Variants in THRAP3 observed in about 807,000 individuals in gnomAD.
The protein encoded by THRAP3 is thyroid hormone receptor-associated protein 3.
THRAP3 carries 16 observed loss-of-function variants against 101.0 expected under a neutral mutation model. The ratio of observed to expected loss-of-function variants is 0.16; its 90% CI spans 0.11 to 0.24. THRAP3 has a LOEUF of 0.24. Ranked by LOEUF, THRAP3 falls within the 10% of genes least tolerant of loss-of-function variation. The pLI is 1.00. For missense variants in THRAP3, 989 were observed against 1,202.7 expected, an observed-to-expected ratio of 0.82 and a Z score of 2.63; for synonymous variants, 407 against 422.6, an observed-to-expected ratio of 0.96 and a Z score of 0.45.
chr1:36,266,365 C>T (rs192165936), intron 2 of THRAP3, among the ~76,000 whole-genome samples: 45 of 152,116 alleles, frequency 3.0e-4, no homozygotes, highest in South Asian at 1.9e-3. Flanking sequence ...AAGAAAAATT[C>T]CAGTTCCTGT....
At position 36,286,573 on chromosome 1, in the gene THRAP3, C is replaced by T. The variant is rs200336563; in HGVS notation, c.343C>T (p.Arg115Trp). The T allele has an allele frequency of 5.6e-6, 9 of 1,613,998 alleles. No individual in the cohort carries two copies. The highest frequency in any genetic ancestry group is 1.6e-4 in the Middle Eastern group (1 of 6,082). ...CTACCGCTCAAATTGGCAGAATTAC[C>T]GGCAAGCATACAGTCCTCGTCGAGG... ...GNYRSNWQNY[R>W]QAYSPRRGRS... The change falls in exon 4 of 12, where the codon CGG becomes TGG. Residue 115 changes from arginine (R) to tryptophan (W), a missense_variant. Transcript: ENST00000354618. The surrounding 1 kb of genome is among the most constrained non-coding windows in gnomAD (Gnocchi z 5.5).
intron 1 of THRAP3, among the ~76,000 whole-genome samples, chr1:36,227,577 C>T (rs1644976260): frequency 1.3e-5 from 2 of 152,078 alleles, no homozygotes; most frequent in Non-Finnish European, 2.9e-5. Flanking sequence ...GCTACTGCGC[C>T]CAGCCTACAA....
chr1:36,282,797 T>C (rs1216238982), intron 3 of THRAP3, 97 bp downstream of exon 3: 1 of 1,422,752 alleles, frequency 7.0e-7, no homozygotes, highest in African/African-American at 1.4e-5. Context: ...GAGTGTCAAA[T>C]GGACTGGGGG....
chr1:36,240,643 G>T lies in THRAP3; in HGVS notation c.-135+16138G>T, dbSNP rs1327656338. On this transcript the variant is annotated intron_variant, in intron 1 of 11. Coordinates refer to ENST00000354618, the MANE Select transcript of THRAP3 (RefSeq NM_005119.4). ...AGCCATATAGCTATTCCTCTGTCCA[G>T]TCAAGTTGACACCTAATATTAACCA... Among the ~76,000 whole-genome samples the T allele has an allele frequency of 2.0e-5, 3 of 152,164 alleles. No individual in the cohort carries two copies. The East Asian group carries it at 5.8e-4, about 29-fold the overall frequency.
At position 36,282,711 on chromosome 1, in the gene THRAP3, G is replaced by C. The variant is rs1301092627; in HGVS notation, c.137+11G>C. 4.3e-6 allele frequency: 7 copies of C among 1,613,978 alleles called. No homozygotes were observed. Among genetic ancestry groups the C allele is most frequent in the Non-Finnish European group, 5.9e-6 (7 of 1,179,912 alleles). On this transcript the variant is annotated intron_variant, in intron 3 of 11. Transcript: ENST00000354618. ...GAAGCGCAGGCTGAGGTAAGGGGGTGTGACTTTGTATATTGAGATAATCAT... is the reference window on the plus strand; with the variant it reads ...GAAGCGCAGGCTGAGGTAAGGGGGTCTGACTTTGTATATTGAGATAATCAT...
chr1:36,299,655 C>G (rs1304995562), intron 9 of THRAP3, among the ~76,000 whole-genome samples: 2 of 151,754 alleles, frequency 1.3e-5, no homozygotes, highest in Non-Finnish European at 2.9e-5. Flanking sequence ...ATTACAGATG[C>G]TTTCCACCAC....
chr1:36,293,640 C>CTGTGTGTGTGTGTGTGTGTGTGTGTGTG (rs577292328), intron 7 of THRAP3, among the ~76,000 whole-genome samples: 21 of 133,420 alleles, frequency 1.6e-4, no homozygotes, highest in African/African-American at 4.7e-4. Flanking sequence ...GAACCTGGGA[C>CTGTGTGTGTGTGTGTGTGTGTGTGTGTG]TGTGTGTGTG....
At chr1:36,268,662 C>T (rs1645546079) in intron 2 of THRAP3, among the ~76,000 whole-genome samples, 1 of 152,048 alleles carries the variant, frequency 6.6e-6, no homozygotes, top group Non-Finnish European at 1.5e-5. Context: ...ACCACTGTGC[C>T]CAGGAGAGAA....
chr1:36,267,582 A>G (rs1368703624), intron 2 of THRAP3, among the ~76,000 whole-genome samples: 1 of 152,170 alleles, frequency 6.6e-6, no homozygotes, highest in East Asian at 1.9e-4. Flanking sequence ...GTTCCACCCA[A>G]TTCCAGGGGT....
At chr1:36,231,809 G>C (rs372508859) in intron 1 of THRAP3, among the ~76,000 whole-genome samples, 1 of 152,162 alleles carries the variant, frequency 6.6e-6, no homozygotes, top group African/African-American at 2.4e-5. Flanking sequence ...ATGTCCTAGA[G>C]TCTTGACTAA....
intron 1 of THRAP3, among the ~76,000 whole-genome samples, chr1:36,226,732 C>T (rs948424798): frequency 6.6e-6 from 1 of 152,094 alleles, no homozygotes; most frequent in African/African-American, 2.4e-5. Flanking sequence ...CATCTAAGAT[C>T]TGTTCACTGT....
At chr1:36,267,288 AC>A (rs1645527568) in intron 2 of THRAP3, among the ~76,000 whole-genome samples, 1 of 152,220 alleles carries the variant, frequency 6.6e-6, no homozygotes, top group South Asian at 2.1e-4. Flanking sequence ...AAGTTTCTTT[AC>A]CACCTAATTC....
chr1:36,236,155 G>C (rs1380354933), intron 1 of THRAP3, among the ~76,000 whole-genome samples: 1 of 151,620 alleles, frequency 6.6e-6, no homozygotes, highest in East Asian at 1.9e-4. Flanking sequence ...GGGAGGCAGA[G>C]GTTGCAGTGA....
intron 1 of THRAP3, among the ~76,000 whole-genome samples, chr1:36,247,304 G>C (rs990456779): frequency 6.6e-6 from 1 of 151,940 alleles, no homozygotes; most frequent in Non-Finnish European, 1.5e-5. Flanking sequence ...GCGACAGAGC[G>C]AGACTCCGTC....
At chr1:36,250,358 C>T (rs1214864842) in intron 1 of THRAP3, among the ~76,000 whole-genome samples, 4 of 151,750 alleles carry the variant, frequency 2.6e-5, no homozygotes, top group South Asian at 2.1e-4. Context: ...GTACTACAGG[C>T]GCCCGCCACC....
intron 1 of THRAP3, among the ~76,000 whole-genome samples, chr1:36,255,398 C>G (rs1217614596): frequency 6.6e-6 from 1 of 151,136 alleles, no homozygotes; most frequent in Non-Finnish European, 1.5e-5. Flanking sequence ...GAGGCTGAGG[C>G]TGGCGGATCA....
chr1:36,289,884 C>G (rs1645843939), intron 5 of THRAP3, 120 bp downstream of exon 5: 16 of 1,338,294 alleles, frequency 1.2e-5, no homozygotes, highest in Non-Finnish European at 1.6e-5. Flanking sequence ...AGTGGTGATA[C>G]TTTCATGTCC....
chr1:36,287,759 G>A, intron 4 of THRAP3: 1 of 985,454 alleles, frequency 1.0e-6, no homozygotes, highest in South Asian at 4.7e-5. Flanking sequence ...CATAGTCCAG[G>A]AAGGCCTTGT....
At chr1:36,292,271 T>TTC (rs1553124867) in intron 6 of THRAP3, among the ~76,000 whole-genome samples, 2 of 99,160 alleles carry the variant, frequency 2.0e-5, no homozygotes, top group African/African-American at 7.5e-5. Flanking sequence ...TTTCTTTTTT[T>TTC]TTTTTTTTTT....
Sources: allele counts gnomAD v4.1 joint callset (sites outside exome capture counted in the v4.1 genomes callset), GRCh38; gene constraint gnomAD v4.1.1; non-coding constraint Gnocchi (gnomAD v3.1); transcripts MANE v1.5; gene names NCBI Gene and HGNC (gene_info 2026-07-23, HGNC 2026-07-21).